The following CCDC175 variants were observed in gnomAD, a reference collection of about 807,000 sequenced individuals.
CCDC175 encodes coiled-coil domain containing 175.
A neutral mutation model predicts 114.6 loss-of-function variants in CCDC175; 100 were observed. That is an observed-to-expected ratio of 0.87 (90% CI 0.74 to 1.03). The LOEUF (loss-of-function observed/expected upper bound fraction) is 1.03. CCDC175 is among the 50% of genes least tolerant of loss of function. The probability of loss-of-function intolerance (pLI) is 0.00; values close to 1 mark genes in which losing one functional copy is unlikely to be tolerated. For synonymous variants in CCDC175, 306 were observed against 308.7 expected (o/e 0.99, Z 0.09); for missense variants, 880 against 917.8 (o/e 0.96, Z 0.53).
intron 7 of CCDC175, among the ~76,000 whole-genome samples, chr14:59,559,277 T>C (rs927826775): frequency 1.3e-5 from 2 of 152,154 alleles, no homozygotes; most frequent in Non-Finnish European, 2.9e-5. Flanking sequence ...ATTAGAAAGG[T>C]AGGCATTGGA....
intron 14 of CCDC175, among the ~76,000 whole-genome samples, chr14:59,530,128 TG>T (rs1893978211): frequency 6.6e-6 from 1 of 152,034 alleles, no homozygotes; most frequent in Non-Finnish European, 1.5e-5. Context: ...CCCAGCACTT[TG>T]GGAGGCTGAG....
At chr14:59,531,932 T>C (rs1277540251) in intron 13 of CCDC175, 22 bp from the exon 14 acceptor site, 3 of 1,036,958 alleles carry the variant, frequency 2.9e-6, no homozygotes, top group Admixed American at 2.7e-5. Flanking sequence ...ATAAAATCAA[T>C]TGAGAAATAT....
chr14:59,526,331 T>C (rs919738536), intron 15 of CCDC175, among the ~76,000 whole-genome samples: 2 of 152,134 alleles, frequency 1.3e-5, no homozygotes, highest in Non-Finnish European at 1.5e-5. Context: ...TGAAGCCTGG[T>C]GCAGTAGCTC....
At chr14:59,538,660 T>A (rs1474010871) in intron 12 of CCDC175, 45 bp downstream of exon 12, 1 of 1,412,636 alleles carries the variant, frequency 7.1e-7, no homozygotes, top group South Asian at 1.4e-5. Flanking sequence ...GAATTGCTGA[T>A]ATGCAATGTA....
In CCDC175 at chr14:59,546,986, T is replaced by C. The variant is rs1185705744; in HGVS notation, c.1036-1687A>G. 2.6e-5 allele frequency among the ~76,000 whole-genome samples: 4 copies of C among 152,128 alleles called. No individual in the cohort carries two copies. The East Asian group carries it at 7.7e-4, about 29-fold the overall frequency. On this transcript the variant is annotated intron_variant, in intron 8 of 19. Coordinates refer to ENST00000537690, the MANE Select transcript of CCDC175 (RefSeq NM_001164399.2). Reference sequence around the variant, plus strand: ...CAGGTGTGGTGGCTCGTGCCTGTAATCCTAGCACTTTGAGAGGCGGAGGTG... The same window carrying C: ...CAGGTGTGGTGGCTCGTGCCTGTAACCCTAGCACTTTGAGAGGCGGAGGTG...
chr14:59,525,891 T>C (rs1443519465), intron 15 of CCDC175, among the ~76,000 whole-genome samples: 1 of 152,222 alleles, frequency 6.6e-6, no homozygotes, highest in African/African-American at 2.4e-5. Context: ...GTGGGTAGGT[T>C]ATATGCAAAT....
chr14:59,536,831 G>T (rs1894429848), intron 13 of CCDC175, among the ~76,000 whole-genome samples: 1 of 152,172 alleles, frequency 6.6e-6, no homozygotes, highest in African/African-American at 2.4e-5. Context: ...GCCCAGGCTG[G>T]AGTGCAGTGG....
At chr14:59,569,634 GT>G (rs1896737867) in intron 3 of CCDC175, among the ~76,000 whole-genome samples, 1 of 152,188 alleles carries the variant, frequency 6.6e-6, no homozygotes, top group Non-Finnish European at 1.5e-5. Flanking sequence ...TACCTTTGGT[GT>G]AGATTCTTCT....
chr14:59,546,350 C>T (rs1895107345), intron 8 of CCDC175, among the ~76,000 whole-genome samples: 1 of 152,170 alleles, frequency 6.6e-6, no homozygotes, highest in South Asian at 2.1e-4. Flanking sequence ...GGTTGGAAAA[C>T]TACCTATTGG....
intron 19 of CCDC175, among the ~76,000 whole-genome samples, chr14:59,509,420 T>C (rs541144532): frequency 2.0e-4 from 31 of 152,346 alleles, no homozygotes; most frequent in African/African-American, 5.8e-4. Flanking sequence ...AAGTTCTTCA[T>C]TGGCCACTGA....
intron 13 of CCDC175, among the ~76,000 whole-genome samples, chr14:59,537,213 TTATTAA>T (rs1248966683): frequency 6.6e-6 from 1 of 152,212 alleles, no homozygotes; most frequent in Non-Finnish European, 1.5e-5. Flanking sequence ...TTTCTTTTGG[TTATTAA>T]TATTATTAAT....
Position 59,505,193 on chromosome 14 carries a change from C to T in CCDC175, c.*46G>A. The stretch of plus-strand genomic sequence containing the variant: ...TATGAAAGTAAGTGCACTCACTTTT[C>T]CTGTAGTAGTCTGTCTTTTGAATTC... On this transcript the variant is annotated 3_prime_UTR_variant, in exon 20 of 20. Coordinates refer to ENST00000537690, the MANE Select transcript of CCDC175 (RefSeq NM_001164399.2). The T allele has an allele frequency of 2.0e-6, 2 of 1,018,256 alleles. No homozygotes were observed. Among genetic ancestry groups the T allele is most frequent in the East Asian group, 5.3e-5 (2 of 37,424 alleles). 63.1% of individuals were successfully genotyped at this position (1,018,256 alleles called of 1,614,324 possible). A position where few individuals can be genotyped will look rare whatever the true frequency, so the allele number is the denominator to read the frequency against.
chr14:59,541,790 T>C (rs986135172), intron 10 of CCDC175, among the ~76,000 whole-genome samples: 2 of 152,164 alleles, frequency 1.3e-5, no homozygotes, highest in African/African-American at 4.8e-5. Flanking sequence ...GGCTTTGAGA[T>C]TCCTGGTGAC....
At position 59,548,194 on chromosome 14, in the gene CCDC175, G is replaced by T. The variant is rs141761021; in HGVS notation, c.1036-2895C>A. ...ACATCATGTTAAGTGAAATAATTCA[G>T]GTACAGAAAAACAAATATTACATGA... On this transcript the variant is annotated intron_variant, in intron 8 of 19. Transcript: ENST00000537690. Among the ~76,000 whole-genome samples the T allele has an allele frequency of 4.7e-3, 716 of 152,070 alleles. 2 individuals carry two copies. The highest frequency in any genetic ancestry group is 0.016 in the African/African-American group (674 of 41,478).
Position 59,543,451 on chromosome 14 carries a change from A to G in CCDC175, c.1176T>C (p.Asn392=). The change falls in exon 10 of 20, where the codon AAT becomes AAC. Residue 392 remains asparagine, a synonymous_variant. Coordinates refer to ENST00000537690, the MANE Select transcript of CCDC175 (RefSeq NM_001164399.2). ...GAGAAATAAATGTCAGCTGTTTCTG[A>G]TTTCTATCATGAAAAACAGAGTTAT... is the stretch of plus-strand genomic sequence containing the variant. The part of the protein sequence containing the change: ...FLQKQKIHDE[N]QKQLTFISQK... 7.7e-7 allele frequency: 1 copy of G among 1,302,228 alleles called. No individual in the cohort carries two copies. Among genetic ancestry groups the G allele is most frequent in the Non-Finnish European group, 1.0e-6 (1 of 970,008 alleles). The allele number at this position is 1,302,228 out of a possible 1,614,324, so 80.7% of individuals were successfully genotyped here.
chr14:59,531,438 G>A (rs1476433105), intron 14 of CCDC175, among the ~76,000 whole-genome samples: 2 of 151,974 alleles, frequency 1.3e-5, no homozygotes, highest in African/African-American at 4.8e-5. Flanking sequence ...TTCACGGTAA[G>A]AAAATACAAA....
intron 7 of CCDC175, among the ~76,000 whole-genome samples, chr14:59,560,222 A>T (rs928897543): frequency 6.6e-6 from 1 of 152,236 alleles, no homozygotes; most frequent in East Asian, 1.9e-4. Flanking sequence ...GACCTATTAT[A>T]ATTTTAATTA....
chr14:59,525,757 AAATAAT>A (rs1227198939), intron 15 of CCDC175, among the ~76,000 whole-genome samples: 1 of 152,244 alleles, frequency 6.6e-6, no homozygotes, highest in Non-Finnish European at 1.5e-5. Context: ...ACAAAAATAA[AAATAAT>A]AACAACAACA....
intron 7 of CCDC175, among the ~76,000 whole-genome samples, chr14:59,559,410 G>A (rs996320179): frequency 2.6e-5 from 4 of 152,054 alleles, no homozygotes; most frequent in Admixed American, 2.0e-4. Flanking sequence ...AACGCACATG[G>A]AATTTAAACT....
Sources: allele counts gnomAD v4.1 joint callset (sites outside exome capture counted in the v4.1 genomes callset), GRCh38; gene constraint gnomAD v4.1.1; transcripts MANE v1.5; gene names NCBI Gene and HGNC (gene_info 2026-07-23, HGNC 2026-07-21).